Variants in KHDRBS3 observed in about 807,000 individuals in gnomAD.
The protein encoded by KHDRBS3 is KH domain-containing, RNA-binding, signal transduction-associated protein 3.
Under a neutral mutation model 45.6 loss-of-function variants are expected in KHDRBS3, and 23 were observed. The observed-to-expected ratio is 0.50, with a 90% CI of 0.36 to 0.72. The LOEUF (loss-of-function observed/expected upper bound fraction) is 0.72. Among genes scored for constraint, KHDRBS3 ranks in the 30% least tolerant of loss-of-function variants. KHDRBS3 has a pLI of 0.00. For synonymous variants in KHDRBS3, 162 were observed against 156.5 expected, an observed-to-expected ratio of 1.04 and a Z score of -0.26; for missense variants, 352 against 424.8, an observed-to-expected ratio of 0.83 and a Z score of 1.51.
chr8:135,525,755 G>A (rs183013252), intron 2 of KHDRBS3, among the ~76,000 whole-genome samples: 3 of 152,260 alleles, frequency 2.0e-5, no homozygotes. Context: ...TGCTCAATAT[G>A]CTCTGTATAC....
intron 5 of KHDRBS3, among the ~76,000 whole-genome samples, chr8:135,567,733 C>G (rs1218965170): frequency 6.6e-6 from 1 of 152,134 alleles, no homozygotes; most frequent in Non-Finnish European, 1.5e-5. Context: ...TTACCACCAC[C>G]CCAACACCAC....
intron 1 of KHDRBS3, among the ~76,000 whole-genome samples, chr8:135,491,186 GT>G (rs1301819464): frequency 6.6e-6 from 1 of 152,006 alleles, no homozygotes; most frequent in African/African-American, 2.4e-5. Flanking sequence ...TTGGAGTTGG[GT>G]TTTTTTGTAT....
chr8:135,631,893 G>T (rs936051267), intron 7 of KHDRBS3, among the ~76,000 whole-genome samples: 1 of 152,170 alleles, frequency 6.6e-6, no homozygotes, highest in African/African-American at 2.4e-5. Context: ...CAGCACAATA[G>T]ATTTATTTAC....
chr8:135,620,487 TCA>T (rs1830093309), intron 7 of KHDRBS3, among the ~76,000 whole-genome samples: 1 of 152,204 alleles, frequency 6.6e-6, no homozygotes. Flanking sequence ...ATACTGAGTT[TCA>T]CAGTTATGGC....
intron 1 of KHDRBS3, among the ~76,000 whole-genome samples, chr8:135,460,289 C>T (rs1821365958): frequency 6.6e-6 from 1 of 152,226 alleles, no homozygotes; most frequent in Non-Finnish European, 1.5e-5. Flanking sequence ...CAAACCTTAG[C>T]GTGCCATGTA....
chr8:135,594,535 G>C (rs989890470), intron 6 of KHDRBS3, among the ~76,000 whole-genome samples: 12 of 152,292 alleles, frequency 7.9e-5, no homozygotes, highest in African/African-American at 2.4e-4. Flanking sequence ...GAGGTAAGTT[G>C]CCATGTGGAA....
At chr8:135,559,820 C>T (rs953433298) in intron 5 of KHDRBS3, among the ~76,000 whole-genome samples, 2 of 152,178 alleles carry the variant, frequency 1.3e-5, no homozygotes, top group Non-Finnish European at 2.9e-5. Context: ...GCAAACCTCC[C>T]AATCAAGAAA....
intron 1 of KHDRBS3, among the ~76,000 whole-genome samples, chr8:135,508,659 C>G (rs1348627863): frequency 1.3e-5 from 2 of 152,180 alleles, no homozygotes; most frequent in African/African-American, 2.4e-5. Context: ...CCCTCCTTCC[C>G]AAAGTTAGTG....
chr8:135,529,434 G>C (rs544520332), intron 2 of KHDRBS3, among the ~76,000 whole-genome samples: 1 of 152,282 alleles, frequency 6.6e-6, no homozygotes, highest in African/African-American at 2.4e-5. Flanking sequence ...TCCTTACAGT[G>C]CTTGATTATT....
chr8:135,470,058 C>T (rs956305736), intron 1 of KHDRBS3, among the ~76,000 whole-genome samples: 4 of 152,162 alleles, frequency 2.6e-5, no homozygotes, highest in East Asian at 3.9e-4. Context: ...CCTGTTGGTG[C>T]GTAGCTTCTT....
intron 6 of KHDRBS3, among the ~76,000 whole-genome samples, chr8:135,586,127 C>T (rs78828093): frequency 0.063 from 9,609 of 152,168 alleles, 424 homozygotes; most frequent in African/African-American, 0.12. Flanking sequence ...AGAAACTGCT[C>T]TCCACAAGGC....
At chr8:135,528,735 C>T (rs1427075025) in intron 2 of KHDRBS3, among the ~76,000 whole-genome samples, 2 of 152,182 alleles carry the variant, frequency 1.3e-5, no homozygotes, top group African/African-American at 2.4e-5. Context: ...GATCAAGCCA[C>T]CTGCATTTGG....
chr8:135,654,132 C>G (rs1051130048), intron 4 of KHDRBS3, among the ~76,000 whole-genome samples: 8 of 152,206 alleles, frequency 5.3e-5, no homozygotes, highest in Admixed American at 2.0e-4. Flanking sequence ...CCCCTTGTTT[C>G]ACTTTGAAGT....
In KHDRBS3 at chr8:135,517,012, C is replaced by T. The variant is rs111505484; in HGVS notation, c.89-4225C>T. ...TTAGTGGACTTTAGTATATCTGGTA[C>T]CTTAAAAAGGAAAAGAGGCCATTGC... On this transcript the variant is annotated intron_variant, in intron 1 of 8. Coordinates refer to ENST00000355849, the MANE Select transcript of KHDRBS3 (RefSeq NM_006558.3). Among the ~76,000 whole-genome samples the T allele has an allele frequency of 4.4e-3, 665 of 152,024 alleles. 12 individuals carry two copies. Among genetic ancestry groups the T allele is most frequent in the African/African-American group, 0.015 (604 of 41,476 alleles).
At chr8:135,570,668 C>T (rs1827657301) in intron 5 of KHDRBS3, among the ~76,000 whole-genome samples, 1 of 152,162 alleles carries the variant, frequency 6.6e-6, no homozygotes, top group African/African-American at 2.4e-5. Flanking sequence ...CATCCAGTCA[C>T]CCTCTTCTCC....
At chr8:135,540,473 T>G (rs1825989774) in intron 2 of KHDRBS3, 2 of 152,254 alleles carry the variant, frequency 1.3e-5, no homozygotes, top group Admixed American at 1.3e-4. Context: ...ACCAGGCATC[T>G]GCCCCTCCAC....
intron 1 of KHDRBS3, among the ~76,000 whole-genome samples, chr8:135,510,457 C>T (rs561603617): frequency 5.9e-5 from 9 of 152,244 alleles, no homozygotes; most frequent in East Asian, 1.9e-4. Flanking sequence ...TTTTCTGAGA[C>T]GGAGTCTCAC....
At chr8:135,538,404 G>A (rs1424697113) in intron 2 of KHDRBS3, 1 of 152,214 alleles carries the variant, frequency 6.6e-6, no homozygotes, top group African/African-American at 2.4e-5. Context: ...TGTCCTTGCT[G>A]TAGGTAAATA....
intron 1 of KHDRBS3, among the ~76,000 whole-genome samples, chr8:135,465,602 G>T (rs1486777079): frequency 6.6e-6 from 1 of 152,128 alleles, no homozygotes; most frequent in Admixed American, 6.5e-5. Context: ...AGCACCTGAA[G>T]CTTAAATTAA....
Sources: allele counts gnomAD v4.1 joint callset (sites outside exome capture counted in the v4.1 genomes callset), GRCh38; gene constraint gnomAD v4.1.1; transcripts MANE v1.5; gene names NCBI Gene and HGNC (gene_info 2026-07-23, HGNC 2026-07-21).